OPN3: variants seen among roughly 807,000 people sequenced by gnomAD.
OPN3 encodes the protein opsin 3.
OPN3 carries 29 observed loss-of-function variants against 33.8 expected under a neutral mutation model. The ratio of observed to expected loss-of-function variants is 0.86; its 90% confidence interval spans 0.64 to 1.17. OPN3 has a LOEUF of 1.17. Among genes scored for constraint, OPN3 ranks in the 50% most tolerant of loss-of-function variants. The probability of loss-of-function intolerance (pLI) is 0.00; values close to 1 mark genes in which losing one functional copy is unlikely to be tolerated. For missense variants in OPN3, 437 were observed against 514.1 expected (o/e 0.85, Z 1.45); for synonymous variants, 216 against 216.1 (o/e 1.00, Z 0.00).
Position 241,640,035 on chromosome 1 carries a change from T to A in OPN3, c.220A>T (p.Thr74Ser). The A allele has an allele frequency of 6.2e-7, 1 of 1,612,690 alleles. No individual in the cohort carries two copies. Among genetic ancestry groups the A allele is most frequent in the Non-Finnish European group, 8.5e-7 (1 of 1,179,506 alleles). Residue 74 changes from threonine (T) to serine (S), a missense_variant, in exon 1 of 4, where the codon ACT becomes TCT. Physicochemically the swap from Thr to Ser is moderately conservative, Grantham distance 58. Transcript: ENST00000366554. ...TTGACCAGGAGGAGGTGAGTGGGAGTGCGGAGCCGCTGGAACTTGTAGTAG... is the reference window on the plus strand; with the variant it reads ...TTGACCAGGAGGAGGTGAGTGGGAGAGCGGAGCCGCTGGAACTTGTAGTAG... ...VLYYKFQRLR[T>S]PTHLLLVNIS...
Position 241,604,561 on chromosome 1 carries a change from G to A in OPN3, c.392C>T (p.Thr131Ile). The A allele has an allele frequency of 4.3e-6, 7 of 1,611,020 alleles. No individual in the cohort carries two copies. Among genetic ancestry groups the A allele is most frequent in the Non-Finnish European group, 5.9e-6 (7 of 1,177,706 alleles). ...GSLFGIVSIA[T>I]LTVLAYERYI... is the part of the protein sequence containing the mutation. ...ACGTTCATAGGCCAGCACGGTTAGG[G>A]TGGCAATGGAAACAATCCCTGCAAG... The change falls in exon 2 of 4, where the codon ACC becomes ATC. Residue 131 changes from threonine (T) to isoleucine (I), a missense_variant. Transcript: ENST00000366554.
Position 241,604,264 on chromosome 1 carries a change from C to T in OPN3, c.689G>A (p.Arg230Gln), listed in dbSNP as rs200754923. Residue 230 changes from arginine to glutamine, a missense_variant, in exon 2 of 4, where the codon CGA (arginine) becomes CAA (glutamine). By Grantham distance (43) the Arg-to-Gln change is conservative. Transcript: ENST00000366554. Reference sequence around the variant, plus strand: ...CATCTGTAGTCTTCAACTCACCATTCGAATGGAATATAGAATATGGCCATA... The same window carrying T: ...CATCTGTAGTCTTCAACTCACCATTTGAATGGAATATAGAATATGGCCATA... ...HCYGHILYSI[R>Q]MLRCVEDLQT... is the part of the protein sequence containing the mutation. 1.1e-5 allele frequency: 18 copies of T among 1,612,936 alleles called. No homozygotes were observed. Among genetic ancestry groups the T allele is most frequent in the Admixed American group, 3.3e-5 (2 of 59,946 alleles).
At chr1:241,626,952 T>A (rs1173797930) in intron 1 of OPN3, among the ~76,000 whole-genome samples, 1 of 152,208 alleles carries the variant, frequency 6.6e-6, no homozygotes, top group Non-Finnish European at 1.5e-5. Flanking sequence ...AATCAGGTAT[T>A]CATCTTCCTG....
Position 241,597,821 on chromosome 1 carries a change from T to TA in OPN3, c.869dup (p.Ser291IlefsTer9). 6.2e-7 allele frequency: 1 copy of TA among 1,613,782 alleles called. No individual in the cohort carries two copies. Among genetic ancestry groups the TA allele is most frequent in the Non-Finnish European group, 8.5e-7 (1 of 1,179,928 alleles). ...TAGCAAAGAGGTACGAAACAATAGATATTGTTGGAGTGACCAGGTGACCAT... is the reference window on the plus strand; with the variant it reads ...TAGCAAAGAGGTACGAAACAATAGATAATTGTTGGAGTGACCAGGTGACCAT... On this transcript the variant is annotated frameshift_variant, in exon 3 of 4. Transcript: ENST00000366554. LOFTEE classifies it high-confidence loss of function.
At chr1:241,635,651 G>C in intron 1 of OPN3, 1 of 1,614,052 alleles carries the variant, frequency 6.2e-7, no homozygotes, top group African/African-American at 1.3e-5. Context: ...GTAGCTTCTT[G>C]AATCAATATG....
intron 2 of OPN3, among the ~76,000 whole-genome samples, chr1:241,603,922 A>AAG (rs1339510883): frequency 7.9e-5 from 12 of 152,234 alleles, no homozygotes; most frequent in Non-Finnish European, 1.5e-4. Context: ...CTCTGAATAA[A>AAG]CAAAGTTATG....
chr1:241,605,180 T>G (rs1354490610), intron 1 of OPN3, among the ~76,000 whole-genome samples: 2 of 152,064 alleles, frequency 1.3e-5, no homozygotes, highest in Non-Finnish European at 2.9e-5. Flanking sequence ...TTAAACTTTC[T>G]CCTGAAGAGA....
chr1:241,633,654 G>T, intron 1 of OPN3: 1 of 820,458 alleles, frequency 1.2e-6, no homozygotes, highest in South Asian at 1.7e-5. Context: ...AATGCTGAAT[G>T]TCTGAGAGTT....
At chr1:241,628,212 G>A (rs1322626068) in intron 1 of OPN3, among the ~76,000 whole-genome samples, 2 of 152,160 alleles carry the variant, frequency 1.3e-5, no homozygotes, top group African/African-American at 4.8e-5. Context: ...GGAAGTGCTA[G>A]TTACAGTGGG....
At chr1:241,633,228 C>T (rs1487005336) in intron 1 of OPN3, 1 of 155,028 alleles carries the variant, frequency 6.5e-6, no homozygotes, top group Non-Finnish European at 1.4e-5. Context: ...AAGGATCATG[C>T]AAAGCTAATC....
chr1:241,627,080 T>G (rs1256765933), intron 1 of OPN3, among the ~76,000 whole-genome samples: 1 of 152,140 alleles, frequency 6.6e-6, no homozygotes, highest in Non-Finnish European at 1.5e-5. Context: ...AACAAGCAAA[T>G]GCCAAGAATC....
At chr1:241,635,823 A>G in intron 1 of OPN3, 1 of 1,508,148 alleles carries the variant, frequency 6.6e-7, no homozygotes. Flanking sequence ...AGGTGTGATT[A>G]TGCTGTAATA....
chr1:241,594,109 CGT>C lies in OPN3; in HGVS notation c.*317_*318del. On this transcript the variant is annotated 3_prime_UTR_variant, in exon 4 of 4. Transcript: ENST00000366554. ...AGGTATTTTCGAGAAAAATGCATTA[CGT>C]GTTTTGGAAAATAGAGTAATTTAAA... The C allele has an allele frequency of 3.6e-6, 1 of 274,426 alleles. No individual in the cohort carries two copies. Among genetic ancestry groups the C allele is most frequent in the Non-Finnish European group, 6.8e-6 (1 of 146,400 alleles). 17.0% of individuals were successfully genotyped at this position (274,426 alleles called of 1,614,324 possible). A position where few individuals can be genotyped will look rare whatever the true frequency, so the allele number is the denominator to read the frequency against.
At chr1:241,615,856 G>C (rs1286378906) in intron 1 of OPN3, 4 of 456,500 alleles carry the variant, frequency 8.8e-6, no homozygotes, top group African/African-American at 2.0e-5. Context: ...TTGCATACCT[G>C]CATGCAGATA....
At chr1:241,605,714 A>G (rs1302468366) in intron 1 of OPN3, among the ~76,000 whole-genome samples, 1 of 152,250 alleles carries the variant, frequency 6.6e-6, no homozygotes, top group Non-Finnish European at 1.5e-5. Context: ...ATTTGCACAC[A>G]AGGCAGAAAC....
At chr1:241,611,319 G>T in intron 1 of OPN3, among the ~76,000 whole-genome samples, 1 of 152,016 alleles carries the variant, frequency 6.6e-6, no homozygotes, top group East Asian at 1.9e-4. Flanking sequence ...TCTGTTGTAT[G>T]AAAAGGTTAC....
intron 2 of OPN3, among the ~76,000 whole-genome samples, chr1:241,603,460 C>T (rs1267586170): frequency 6.7e-6 from 1 of 149,538 alleles, no homozygotes; most frequent in Non-Finnish European, 1.5e-5. Flanking sequence ...TAAGTGTAGA[C>T]AGATGTGTTT....
In OPN3 at chr1:241,640,300, G is replaced by GCGGGGCT. The variant is rs1665077404; in HGVS notation, c.-53_-47dup. The GCGGGGCT allele has an allele frequency of 9.0e-5, 100 of 1,115,052 alleles. No homozygotes were observed. Among genetic ancestry groups the GCGGGGCT allele is most frequent in the Non-Finnish European group, 1.1e-4 (98 of 916,928 alleles). The allele number at this position is 1,115,052 out of a possible 1,614,324, so 69.1% of individuals were successfully genotyped here. A position where few individuals can be genotyped will look rare whatever the true frequency, so the allele number is the denominator to read the frequency against. ...GGCGGGCGGAGGCGCTCAGCTTGCG[G>GCGGGGCT]CGGGGCTCGCGGCGCGCTCCGCACT... On this transcript the variant is annotated 5_prime_UTR_variant, in exon 1 of 4. It removes the in-frame stop codon of an upstream open reading frame in the 5' UTR. Transcript: ENST00000366554.
At chr1:241,611,435 T>C (rs1240240089) in intron 1 of OPN3, among the ~76,000 whole-genome samples, 5 of 150,318 alleles carry the variant, frequency 3.3e-5, no homozygotes, top group African/African-American at 1.2e-4. Flanking sequence ...GGGTATTTTC[T>C]GTGGGAAGCA....
Sources: gnomAD v4.1 joint callset for allele counts (sites outside exome capture counted in the v4.1 genomes callset) on GRCh38, gnomAD v4.1.1 for gene constraint, MANE v1.5 for transcripts, NCBI Gene and HGNC (gene_info 2026-07-23, HGNC 2026-07-21) for gene names.